The following SLC37A1 variants were observed in gnomAD, a reference collection of about 807,000 sequenced individuals.
SLC37A1 encodes solute carrier family 37 member 1.
A neutral mutation model predicts 75.3 loss-of-function variants in SLC37A1; 49 were observed. That is an observed-to-expected ratio of 0.65 (90% confidence interval 0.52 to 0.83). The LOEUF is 0.83. Among genes scored for constraint, SLC37A1 ranks in the 40% least tolerant of loss-of-function variants. The pLI is 0.00. For missense variants in SLC37A1, 566 were observed against 695.0 expected, an observed-to-expected ratio of 0.81 and a Z score of 2.09; for synonymous variants, 268 against 292.1, an observed-to-expected ratio of 0.92 and a Z score of 0.84.
intron 16 of SLC37A1, among the ~76,000 whole-genome samples, chr21:42,567,988 C>T (rs2056022774): frequency 1.3e-5 from 2 of 152,250 alleles, no homozygotes; most frequent in African/African-American, 2.4e-5. Context: ...CCAGCAGACA[C>T]GTGGATGTGT....
At chr21:42,512,782 G>C (rs562167320), upstream of SLC37A1, among the ~76,000 whole-genome samples, 1 of 152,360 alleles carries the variant, frequency 6.6e-6, no homozygotes, top group Non-Finnish European at 1.5e-5. Context: ...CTAACAAAGT[G>C]ATGGATTTCA....
At chr21:42,510,196 T>A (rs1275720507), upstream of SLC37A1, among the ~76,000 whole-genome samples, 1 of 152,182 alleles carries the variant, frequency 6.6e-6, no homozygotes, top group Non-Finnish European at 1.5e-5. Flanking sequence ...CCCAGCTAAT[T>A]TTTTGTATTT....
intron 3 of SLC37A1, among the ~76,000 whole-genome samples, chr21:42,528,373 T>C (rs577292807): frequency 1.3e-5 from 2 of 152,264 alleles, no homozygotes; most frequent in Admixed American, 6.5e-5. Flanking sequence ...GCAGAGATCT[T>C]AGTGCGAGCT....
At chr21:42,535,602 G>A (rs1226137062) in intron 5 of SLC37A1, 52 bp downstream of exon 5, 2 of 1,502,864 alleles carry the variant, frequency 1.3e-6, no homozygotes, top group East Asian at 2.3e-5. Flanking sequence ...GCCCCTCCGT[G>A]CAGAGAAGAC....
Position 42,554,074 on chromosome 21 carries a change from T to A in SLC37A1, c.781T>A (p.Tyr261Asn), listed in dbSNP as rs768452374. 11 of 1,611,572 alleles carry A rather than the reference T, an allele frequency of 6.8e-6. No individual in the cohort carries two copies. The highest frequency in any genetic ancestry group is 7.6e-6 in the Non-Finnish European group (9 of 1,178,938). ...TTTTTTTTACCAGCACTCAAAAGGC[T>A]ATGAGAATGGTACAAACAGATTGAG... ...SSTLVTHSKG[Y>N]ENGTNRLRLQ... Residue 261 changes from tyrosine to asparagine, a missense_variant, in exon 10 of 20, where the codon TAT (tyrosine) becomes AAT (asparagine). Transcript: ENST00000352133.
rs1212605084 is a variant in SLC37A1 at position 42,559,024 on chromosome 21, A to T, written c.916A>T (p.Ile306Phe). ...CTCCATCCACCCGAACCACGTCGTC[A>T]TTCTCCCCGGGGACGGTGGGAGTGG... ...KGSIHPNHVV[I>F]LPGDGGSGTA... Residue 306 changes from isoleucine (I) to phenylalanine (F), a missense_variant, in exon 11 of 20, where the codon ATT (isoleucine) becomes TTT (phenylalanine). Ile to Phe is a conservative substitution (Grantham distance 21). Transcript: ENST00000352133. 2 of 1,613,782 alleles carry T rather than the reference A, an allele frequency of 1.2e-6. No homozygotes were observed. Among genetic ancestry groups the T allele is most frequent in the East Asian group, 2.2e-5 (1 of 44,822 alleles).
At chr21:42,528,116 T>C (rs1235622232) in intron 3 of SLC37A1, among the ~76,000 whole-genome samples, 2 of 152,244 alleles carry the variant, frequency 1.3e-5, no homozygotes, top group Non-Finnish European at 2.9e-5. Context: ...TTCTGTTATG[T>C]CATTTATAGA....
chr21:42,509,982 G>C (rs2054419422), upstream of SLC37A1, among the ~76,000 whole-genome samples: 1 of 152,180 alleles, frequency 6.6e-6, no homozygotes, highest in Non-Finnish European at 1.5e-5. The surrounding 1 kb of genome is among the most constrained non-coding windows in gnomAD (Gnocchi z 4.2). Context: ...GCCTTCTCTG[G>C]GAGAATGTCT....
chr21:42,519,952 T>TC (rs2054605183), intron 2 of SLC37A1, among the ~76,000 whole-genome samples: 1 of 146,044 alleles, frequency 6.8e-6, no homozygotes, highest in African/African-American at 2.8e-5. Context: ...TCCCTGCCCC[T>TC]CCACAGTGTG....
At chr21:42,501,767 TA>T (rs2054344106) in intron 1 of SLC37A1, among the ~76,000 whole-genome samples, 3 of 152,210 alleles carry the variant, frequency 2.0e-5, no homozygotes. Flanking sequence ...GGCTACATGT[TA>T]ATCCTTCATT....
At position 42,575,453 on chromosome 21, in the gene SLC37A1, C is replaced by T. The variant is rs1436808252; in HGVS notation, c.1521+538C>T. The stretch of plus-strand genomic sequence containing the variant: ...AGCAAAGAGGTTGCCAGTGCAGACA[C>T]TGAGTCGCCTTCTGGCTTCTGCCCC... On this transcript the variant is annotated intron_variant, in intron 18 of 19. Coordinates refer to ENST00000352133, the MANE Select transcript of SLC37A1 (RefSeq NM_001320537.2). The T allele has an allele frequency of 3.0e-6, 3 of 985,340 alleles. No individual in the cohort carries two copies. In the East Asian group the frequency reaches 3.4e-4, roughly 112 times the overall value. The allele number at this position is 985,340 out of a possible 1,614,324, so 61.0% of individuals were successfully genotyped here.
chr21:42,541,601 G>A (rs1188002738), intron 6 of SLC37A1, among the ~76,000 whole-genome samples: 5 of 152,208 alleles, frequency 3.3e-5, no homozygotes, highest in Non-Finnish European at 5.9e-5. Flanking sequence ...AGTCAAGTTC[G>A]TGTTCATTCC....
At chr21:42,559,202 G>C (rs2055765009) in intron 11 of SLC37A1, 113 bp downstream of exon 11, 1 of 1,362,626 alleles carries the variant, frequency 7.3e-7, no homozygotes, top group African/African-American at 1.5e-5. Context: ...AGAACCCGGG[G>C]ATTCGAATCC....
At chr21:42,521,130 G>A (rs1206276312) in intron 2 of SLC37A1, among the ~76,000 whole-genome samples, 1 of 152,196 alleles carries the variant, frequency 6.6e-6, no homozygotes, top group Non-Finnish European at 1.5e-5. Context: ...TTGAGGAACA[G>A]GATATCTACA....
intron 18 of SLC37A1, among the ~76,000 whole-genome samples, chr21:42,578,514 T>C (rs2056352315): frequency 6.6e-6 from 1 of 152,226 alleles, no homozygotes; most frequent in Non-Finnish European, 1.5e-5. Flanking sequence ...AGGATGTAGA[T>C]GTGGGTAAGG....
chr21:42,568,358 A>AG lies in SLC37A1; in HGVS notation c.1347dup, dbSNP rs1228802461. 9.3e-6 allele frequency: 15 copies of AG among 1,613,534 alleles called. No homozygotes were observed. Among genetic ancestry groups the AG allele is most frequent in the Non-Finnish European group, 1.2e-5 (14 of 1,179,658 alleles). On this transcript the variant is annotated splice_acceptor_variant, in intron 16 of 19. Transcript: ENST00000352133. LOFTEE classifies it high-confidence loss of function. ...TGCACGTCTGTTTTTCCTCTCTTCT[A>AG]GGGGACTCATAAAAGTCTGAAAGGC... is the stretch of plus-strand genomic sequence containing the variant.
At chr21:42,530,637 CA>C (rs1568996990) in intron 3 of SLC37A1, among the ~76,000 whole-genome samples, 9 of 36,556 alleles carry the variant, frequency 2.5e-4, no homozygotes, top group Admixed American at 6.2e-4. Context: ...CACACACACA[CA>C]CACACACACA....
At chr21:42,573,098 G>A (rs748800492) in intron 17 of SLC37A1, among the ~76,000 whole-genome samples, 10 of 152,236 alleles carry the variant, frequency 6.6e-5, no homozygotes, top group East Asian at 1.9e-4. Flanking sequence ...ATCCCCTGTC[G>A]CCTGTTAGGT....
At chr21:42,508,559 C>T (rs895734110) in intron 2 of SLC37A1, 1 of 152,232 alleles carries the variant, frequency 6.6e-6, no homozygotes, top group African/African-American at 2.4e-5. Flanking sequence ...TACCTGACCT[C>T]ATTCTACCTA....
Sources: gnomAD v4.1 joint callset for allele counts (sites outside exome capture counted in the v4.1 genomes callset) on GRCh38, gnomAD v4.1.1 for gene constraint, Gnocchi (gnomAD v3.1) non-coding constraint, MANE v1.5 for transcripts, NCBI Gene and HGNC (gene_info 2026-07-23, HGNC 2026-07-21) for gene names.